Variants in SMCO2 observed in about 807,000 individuals in gnomAD.
SMCO2 encodes single-pass membrane and coiled-coil domain-containing protein 2.
A neutral mutation model predicts 29.5 loss-of-function variants in SMCO2; 25 were observed. The ratio of observed to expected loss-of-function variants is 0.85; its 90% CI spans 0.62 to 1.18. The LOEUF is 1.18. Ranked by LOEUF, SMCO2 falls within the 50% of genes most tolerant of loss-of-function variation. SMCO2 has a pLI of 0.00. For missense variants in SMCO2, 348 were observed against 344.5 expected (o/e 1.01, Z -0.08); for synonymous variants, 117 against 123.3 (o/e 0.95, Z 0.34).
the SMCO2 span, among the ~76,000 whole-genome samples, chr12:27,428,400 CTA>C: frequency 6.6e-6 from 1 of 152,180 alleles, no homozygotes; most frequent in Admixed American, 6.5e-5. Context: ...CATAATTTTC[CTA>C]TGTCAGATTT....
chr12:27,465,696 C>T (rs530197842), upstream of SMCO2, among the ~76,000 whole-genome samples: 1 of 152,330 alleles, frequency 6.6e-6, no homozygotes, highest in Admixed American at 6.5e-5. Flanking sequence ...TCCTTCCTCA[C>T]CTGGTGCCTT....
At chr12:27,486,903 C>T (rs1293813537) in intron 4 of SMCO2, among the ~76,000 whole-genome samples, 1 of 152,132 alleles carries the variant, frequency 6.6e-6, no homozygotes, top group Admixed American at 6.5e-5. Context: ...ACCTATGCTT[C>T]CATTTTTATT....
chr12:27,455,207 T>G, the SMCO2 span, among the ~76,000 whole-genome samples: 2 of 152,176 alleles, frequency 1.3e-5, no homozygotes, highest in Non-Finnish European at 2.9e-5. Flanking sequence ...GAGGCAGGCA[T>G]GTGGGGGCAT....
At chr12:27,431,662 A>C in the SMCO2 span, among the ~76,000 whole-genome samples, 4 of 152,202 alleles carry the variant, frequency 2.6e-5, no homozygotes, top group Non-Finnish European at 5.9e-5. Flanking sequence ...AAGTACATTT[A>C]GGTTACTTCT....
intron 1 of SMCO2, chr12:27,467,120 C>T (rs567471743): frequency 2.0e-5 from 3 of 152,152 alleles, no homozygotes; most frequent in Non-Finnish European, 4.4e-5. Context: ...AGAGGGTAAT[C>T]TGGGTGGTCA....
chr12:27,485,225 A>G (rs1949678976), intron 4 of SMCO2, among the ~76,000 whole-genome samples: 1 of 151,800 alleles, frequency 6.6e-6, no homozygotes, highest in Admixed American at 6.6e-5. Context: ...GGTATCTGAT[A>G]TAACATTAAT....
intron 4 of SMCO2, among the ~76,000 whole-genome samples, chr12:27,486,428 T>G (rs1280967596): frequency 1.3e-5 from 2 of 152,232 alleles, no homozygotes; most frequent in Non-Finnish European, 2.9e-5. Flanking sequence ...ATCTCACTTG[T>G]TTCCCACCTG....
At chr12:27,443,100 A>T in the SMCO2 span, among the ~76,000 whole-genome samples, 1 of 152,240 alleles carries the variant, frequency 6.6e-6, no homozygotes, top group African/African-American at 2.4e-5. Flanking sequence ...ATGGACATAG[A>T]TGCAAAAATC....
chr12:27,451,842 T>A, the SMCO2 span, among the ~76,000 whole-genome samples: 107,191 of 152,062 alleles, frequency 0.7, 38,488 homozygotes, highest in Middle Eastern at 0.85. Flanking sequence ...TTCCATGGCT[T>A]CTCCTGTCCC....
intron 4 of SMCO2, among the ~76,000 whole-genome samples, chr12:27,478,954 G>T (rs1474525764): frequency 6.6e-6 from 1 of 152,186 alleles, no homozygotes; most frequent in Admixed American, 6.5e-5. Flanking sequence ...CAGATGGCAT[G>T]AATGACTGCC....
chr12:27,433,092 G>T, the SMCO2 span, among the ~76,000 whole-genome samples: 2,325 of 152,176 alleles, frequency 0.015, 65 homozygotes, highest in African/African-American at 0.053. Flanking sequence ...TAACTATCTT[G>T]TGGAATTTGG....
chr12:27,489,329 A>G (rs1949715649), intron 5 of SMCO2, among the ~76,000 whole-genome samples: 1 of 152,316 alleles, frequency 6.6e-6, no homozygotes, highest in African/African-American at 2.4e-5. Flanking sequence ...GATTACAGGC[A>G]TGAGCTACCG....
upstream of SMCO2, among the ~76,000 whole-genome samples, chr12:27,463,618 T>C (rs1020825020): frequency 2.0e-5 from 3 of 152,112 alleles, no homozygotes; most frequent in East Asian, 1.9e-4. Context: ...TGAAGCACAA[T>C]GCTTTGAGCA....
At chr12:27,478,848 G>A (rs923887622) in intron 4 of SMCO2, among the ~76,000 whole-genome samples, 6 of 152,140 alleles carry the variant, frequency 3.9e-5, no homozygotes, top group East Asian at 1.9e-4. Flanking sequence ...CTGGCAACAC[G>A]GGGGGCGGGC....
At chr12:27,477,209 G>GTT (rs1565676380) in intron 4 of SMCO2, among the ~76,000 whole-genome samples, 5 of 134,052 alleles carry the variant, frequency 3.7e-5, no homozygotes, top group African/African-American at 1.4e-4. Flanking sequence ...TTGGCTGTCA[G>GTT]GTTTTTTTTT....
chr12:27,458,492 G>C, the SMCO2 span, among the ~76,000 whole-genome samples: 1 of 152,086 alleles, frequency 6.6e-6, no homozygotes, highest in Non-Finnish European at 1.5e-5. Context: ...TTTAAATAAT[G>C]TCTACAAACA....
upstream of SMCO2, among the ~76,000 whole-genome samples, chr12:27,462,020 G>T (rs77159456): frequency 0.019 from 2,919 of 152,288 alleles, 114 homozygotes; most frequent in African/African-American, 0.067. Context: ...TGAAGTTAAA[G>T]ACTGTTTGGA....
chr12:27,470,423 C>T (rs560408514), intron 1 of SMCO2, among the ~76,000 whole-genome samples, 199 bp from the exon 2 acceptor site: 4 of 152,202 alleles, frequency 2.6e-5, no homozygotes, highest in Admixed American at 1.3e-4. Flanking sequence ...TGGAGACAGC[C>T]ACACAGGTCT....
rs60980302 is a variant in SMCO2 at position 27,494,487 on chromosome 12, TTTATTATTATTA to T, written c.507+157_507+168del. The stretch of plus-strand genomic sequence containing the variant: ...TCTCTTTCTTTTTTATTTAATTTAA[TTTATTATTATTA>T]TTATTATTATTATTATTATTATTAT... On this transcript the variant is annotated intron_variant, in intron 6 of 7. Coordinates refer to ENST00000298876, the Ensembl canonical transcript of SMCO2. 209 of 176,462 alleles carry T rather than the reference TTTATTATTATTA, an allele frequency of 1.2e-3. 2 individuals are homozygous for T. Among genetic ancestry groups the T allele is most frequent in the East Asian group, 8.4e-3 (55 of 6,538 alleles). 10.9% of individuals were successfully genotyped at this position (176,462 alleles called of 1,614,324 possible).
Sources: allele counts gnomAD v4.1 joint callset (sites outside exome capture counted in the v4.1 genomes callset), GRCh38; gene constraint gnomAD v4.1.1; transcripts MANE v1.5; gene names NCBI Gene and HGNC (gene_info 2026-07-23, HGNC 2026-07-21).